The following SLC39A9 variants were observed in gnomAD, a reference collection of about 807,000 sequenced individuals.
SLC39A9 encodes solute carrier family 39 member 9.
A neutral mutation model predicts 28.4 loss-of-function variants in SLC39A9; 14 were observed. The ratio of observed to expected loss-of-function variants is 0.49; its 90% CI spans 0.33 to 0.77. The LOEUF (loss-of-function observed/expected upper bound fraction) is 0.77, where lower values mean the gene tolerates loss of function less well. SLC39A9 is among the 30% of genes least tolerant of loss of function. The probability of loss-of-function intolerance (pLI) is 0.02; values close to 1 mark genes in which losing one functional copy is unlikely to be tolerated. For synonymous variants in SLC39A9, 119 were observed against 149.6 expected (o/e 0.80, Z 1.49); for missense variants, 283 against 381.1 (o/e 0.74, Z 2.14).
chr14:69,427,810 C>G (rs1313878784), intron 2 of SLC39A9, among the ~76,000 whole-genome samples: 2 of 152,174 alleles, frequency 1.3e-5, no homozygotes, highest in African/African-American at 2.4e-5. Context: ...CTTGCGCTAA[C>G]TTGTTATAAC....
intron 2 of SLC39A9, among the ~76,000 whole-genome samples, chr14:69,435,229 G>A (rs1233858914): frequency 6.6e-6 from 1 of 152,000 alleles, no homozygotes; most frequent in Non-Finnish European, 1.5e-5. Context: ...AAGCTCTTTG[G>A]TTAGGTACCT....
intron 1 of SLC39A9, among the ~76,000 whole-genome samples, chr14:69,413,391 C>G (rs1402048338): frequency 6.6e-6 from 1 of 151,882 alleles, no homozygotes; most frequent in Non-Finnish European, 1.5e-5. Context: ...AGAATCGATA[C>G]AGGATTACCT....
Position 69,461,639 on chromosome 14 carries a change from G to GTT in SLC39A9, c.*3055_*3056dup. On this transcript the variant is annotated 3_prime_UTR_variant, in exon 7 of 7. Transcript: ENST00000336643. ...TGCAGAAAGGAGAAAATGTGATTGT[G>GTT]TTTTTTTTTTACCAGCCTACTTCTA... 8 of 1,363,106 alleles carry GTT rather than the reference G, an allele frequency of 5.9e-6. No homozygotes were observed. The highest frequency in any genetic ancestry group is 2.3e-5 in the Admixed American group (1 of 43,946). The allele number at this position is 1,363,106 out of a possible 1,614,324, so 84.4% of individuals were successfully genotyped here.
chr14:69,449,764 C>T (rs1008671576), intron 3 of SLC39A9, among the ~76,000 whole-genome samples: 2 of 152,152 alleles, frequency 1.3e-5, no homozygotes, highest in African/African-American at 4.8e-5. Flanking sequence ...CAGAGAGTAG[C>T]TGCAGAAAGT....
At chr14:69,455,955 T>C in intron 6 of SLC39A9, 89 bp downstream of exon 6, 2 of 1,463,996 alleles carry the variant, frequency 1.4e-6, no homozygotes, top group East Asian at 2.3e-5. Flanking sequence ...TCCAATACAT[T>C]ACTCTCTCAA....
intron 4 of SLC39A9, 121 bp from the exon 5 acceptor site, chr14:69,454,691 A>C (rs1594952240): frequency 1.5e-6 from 1 of 655,404 alleles, no homozygotes; most frequent in East Asian, 2.7e-5. Flanking sequence ...GGCATGTAGA[A>C]AGGTTAAGTA....
intron 1 of SLC39A9, among the ~76,000 whole-genome samples, chr14:69,407,822 G>A (rs1469751118): frequency 6.7e-6 from 1 of 150,060 alleles, no homozygotes; most frequent in Non-Finnish European, 1.5e-5. Flanking sequence ...AGTTTTAGTA[G>A]AGACAGGGTT....
intron 3 of SLC39A9, among the ~76,000 whole-genome samples, chr14:69,446,873 C>CAAAAAA (rs35612117): frequency 2.2e-5 from 2 of 89,786 alleles, no homozygotes; most frequent in South Asian, 7.3e-4. Context: ...AACTCTGTCT[C>CAAAAAA]AAAAAAAAAA....
chr14:69,441,858 G>A, intron 2 of SLC39A9: 1 of 1,339,802 alleles, frequency 7.5e-7, no homozygotes, highest in Non-Finnish European at 9.6e-7. Flanking sequence ...GCAGTCAGAA[G>A]GTCTGCATGC....
intron 2 of SLC39A9, among the ~76,000 whole-genome samples, chr14:69,441,084 C>T (rs879859991): frequency 6.6e-6 from 1 of 152,114 alleles, no homozygotes; most frequent in African/African-American, 2.4e-5. Context: ...TCAAGACCAG[C>T]CTAGGCAACA....
chr14:69,419,384 G>A lies in SLC39A9; in HGVS notation c.97-4710G>A, dbSNP rs142534748. Among the ~76,000 whole-genome samples, 484 of 152,242 alleles carry A rather than the reference G, an allele frequency of 3.2e-3. 3 individuals carry two copies. Among genetic ancestry groups the A allele is most frequent in the African/African-American group, 0.011 (439 of 41,544 alleles). The stretch of plus-strand genomic sequence containing the variant: ...TGAGAGACAGTTTATTGTGATTTCT[G>A]TTCTTTTACATTTGCTGAGGAGTGC... On this transcript the variant is annotated intron_variant, in intron 1 of 6. Transcript: ENST00000336643.
intron 1 of SLC39A9, among the ~76,000 whole-genome samples, chr14:69,407,242 G>C (rs1167036127): frequency 6.7e-6 from 1 of 149,634 alleles, no homozygotes; most frequent in Non-Finnish European, 1.5e-5. Context: ...TGCAAACCCT[G>C]TATTTATCTG....
chr14:69,412,947 T>G (rs1883353848), intron 1 of SLC39A9, among the ~76,000 whole-genome samples: 1 of 152,230 alleles, frequency 6.6e-6, no homozygotes, highest in South Asian at 2.1e-4. Flanking sequence ...GATGGTCTCA[T>G]CCTACAAACT....
At chr14:69,409,488 C>T (rs900560789) in intron 1 of SLC39A9, among the ~76,000 whole-genome samples, 2 of 151,614 alleles carry the variant, frequency 1.3e-5, no homozygotes, top group Non-Finnish European at 2.9e-5. Context: ...CAGGCATGTG[C>T]CACCAGGCCC....
intron 1 of SLC39A9, among the ~76,000 whole-genome samples, chr14:69,406,549 G>A (rs73275005): frequency 0.058 from 8,847 of 152,032 alleles, 858 homozygotes; most frequent in African/African-American, 0.2. Flanking sequence ...TGGGCTGAGC[G>A]CAGTGGCTCA....
intron 1 of SLC39A9, among the ~76,000 whole-genome samples, chr14:69,418,800 G>A (rs879029964): frequency 6.6e-6 from 1 of 152,166 alleles, no homozygotes; most frequent in Non-Finnish European, 1.5e-5. Context: ...TTGCGTAGAG[G>A]TGTGTATAGT....
At chr14:69,452,075 C>T (rs1885637924) in intron 3 of SLC39A9, among the ~76,000 whole-genome samples, 1 of 152,008 alleles carries the variant, frequency 6.6e-6, no homozygotes, top group Non-Finnish European at 1.5e-5. Context: ...GATTGATGTC[C>T]AAGTTTTGGC....
rs892669121 is a variant in SLC39A9, at chr14:69,459,553, T to G, written c.*960T>G. 11 of 952,316 alleles carry G rather than the reference T, an allele frequency of 1.2e-5. 1 individual carries two copies. Among genetic ancestry groups the G allele is most frequent in the Middle Eastern group, 1.1e-3 (2 of 1,796 alleles). The allele number at this position is 952,316 out of a possible 1,614,324, so 59.0% of individuals were successfully genotyped here. A position where few individuals can be genotyped will look rare whatever the true frequency, so the allele number is the denominator to read the frequency against. ...CCAAAATGTATGGTTGTCCTTTTTTTTTGTTTTTTTTTTTTTTAATTATTT... is the reference window on the plus strand; with the variant it reads ...CCAAAATGTATGGTTGTCCTTTTTTGTTGTTTTTTTTTTTTTTAATTATTT... On this transcript the variant is annotated 3_prime_UTR_variant, in exon 7 of 7. Coordinates refer to ENST00000336643, the MANE Select transcript of SLC39A9 (RefSeq NM_018375.5).
chr14:69,454,596 G>A (rs150225542), intron 4 of SLC39A9: 62 of 405,052 alleles, frequency 1.5e-4, no homozygotes, highest in African/African-American at 1.2e-3. Context: ...CAGATGCTAT[G>A]CTCTTTACAT....
Sources: allele counts gnomAD v4.1 joint callset (sites outside exome capture counted in the v4.1 genomes callset), GRCh38; gene constraint gnomAD v4.1.1; transcripts MANE v1.5; gene names NCBI Gene and HGNC (gene_info 2026-07-23, HGNC 2026-07-21).